KATNIP: variants seen among roughly 807,000 people sequenced by gnomAD.
KATNIP encodes katanin-interacting protein.
Under a neutral mutation model 174.0 loss-of-function variants are expected in KATNIP, and 126 were observed. The observed-to-expected ratio is 0.72, with a 90% CI of 0.63 to 0.84. The LOEUF (loss-of-function observed/expected upper bound fraction) is 0.84. KATNIP is among the 40% of genes least tolerant of loss of function. KATNIP has a pLI of 0.00. For missense variants in KATNIP, 1,958 were observed against 2,109.7 expected, an observed-to-expected ratio of 0.93 and a Z score of 1.41; for synonymous variants, 810 against 835.7, an observed-to-expected ratio of 0.97 and a Z score of 0.53.
chr16:27,770,497 C>G (rs1267717118), intron 21 of KATNIP, among the ~76,000 whole-genome samples: 1 of 152,230 alleles, frequency 6.6e-6, no homozygotes, highest in African/African-American at 2.4e-5. Flanking sequence ...ATTGAAACCC[C>G]CTGATGTCCA....
Position 27,550,700 on chromosome 16 carries a change from G to T in KATNIP, c.7+523G>T, listed in dbSNP as rs995271280. ...TGTAAGTACTCTTGGGCAACACCTC[G>T]CTAAGCTTCATACCAGCCTTTTGAG... On this transcript the variant is annotated intron_variant, in intron 1 of 27. Coordinates refer to ENST00000261588, the MANE Select transcript of KATNIP (RefSeq NM_015202.5). 9.9e-5 allele frequency among the ~76,000 whole-genome samples: 15 copies of T among 152,262 alleles called. No homozygotes were observed. In the South Asian group the frequency reaches 3.1e-3, roughly 32 times the overall value.
chr16:27,561,345 ACATATGGTTTCCC>A (rs2089875825), intron 1 of KATNIP, among the ~76,000 whole-genome samples: 1 of 152,072 alleles, frequency 6.6e-6, no homozygotes. Flanking sequence ...TCTAGTGGAC[ACATATGGTTTCCC>A]CAGACAACCC....
Position 27,778,648 on chromosome 16 carries a change from C to G in KATNIP, c.*19C>G. 3 of 1,611,950 alleles carry G rather than the reference C, an allele frequency of 1.9e-6. No homozygotes were observed. Among genetic ancestry groups the G allele is most frequent in the Non-Finnish European group, 2.5e-6 (3 of 1,178,610 alleles). On this transcript the variant is annotated 3_prime_UTR_variant, in exon 28 of 28. Coordinates refer to ENST00000261588, the MANE Select transcript of KATNIP (RefSeq NM_015202.5). ...CTGCTGACTGGTGAAGGAGGGAGAG[C>G]TGGTCCTCCCACTATGGTGGGCTCC...
intron 23 of KATNIP, 25 bp downstream of exon 23, chr16:27,773,234 G>T (rs376271525): frequency 6.7e-6 from 10 of 1,496,156 alleles, no homozygotes; most frequent in Non-Finnish European, 9.2e-6. Flanking sequence ...ACAGGAGTGG[G>T]CTCCACCCAG....
At chr16:27,633,748 G>A (rs1474662299) in intron 5 of KATNIP, among the ~76,000 whole-genome samples, 1 of 152,176 alleles carries the variant, frequency 6.6e-6, no homozygotes, top group Non-Finnish European at 1.5e-5. Context: ...TCCTCATTGT[G>A]CTACTGAAGA....
chr16:27,778,514 G>A, intron 27 of KATNIP, 60 bp from the exon 28 acceptor site: 4 of 1,546,924 alleles, frequency 2.6e-6, no homozygotes, highest in Non-Finnish European at 3.6e-6. Flanking sequence ...GGGAGTGTGG[G>A]GCACCCCTCC....
chr16:27,695,436 C>T (rs2142951375), intron 8 of KATNIP, among the ~76,000 whole-genome samples: 1 of 152,344 alleles, frequency 6.6e-6, no homozygotes, highest in East Asian at 1.9e-4. Context: ...TCACACGCCT[C>T]CCATCTTTGC....
At chr16:27,775,997 G>A (rs1042888883) in intron 24 of KATNIP, among the ~76,000 whole-genome samples, 2 of 152,172 alleles carry the variant, frequency 1.3e-5, no homozygotes, top group South Asian at 2.1e-4. Context: ...ACCCACTGAC[G>A]GCCAGCGGGT....
intron 1 of KATNIP, among the ~76,000 whole-genome samples, chr16:27,552,592 C>G (rs1012027196): frequency 6.6e-6 from 1 of 150,996 alleles, no homozygotes; most frequent in Admixed American, 6.6e-5. Context: ...GCCAGCTGGT[C>G]GCAAACTCCT....
chr16:27,647,067 G>A (rs2076978712), intron 5 of KATNIP, among the ~76,000 whole-genome samples: 1 of 152,026 alleles, frequency 6.6e-6, no homozygotes, highest in Admixed American at 6.6e-5. Flanking sequence ...TTAGCTGCAG[G>A]GGAACCTGGG....
chr16:27,623,489 T>C (rs1377898874), intron 3 of KATNIP, among the ~76,000 whole-genome samples: 2 of 152,122 alleles, frequency 1.3e-5, no homozygotes, highest in Admixed American at 6.6e-5. Flanking sequence ...GATGGGGGTC[T>C]CACTCTGTTG....
intron 2 of KATNIP, 122 bp downstream of exon 2, chr16:27,574,078 C>T: frequency 1.2e-6 from 1 of 811,366 alleles, no homozygotes; most frequent in Non-Finnish European, 2.0e-6. Context: ...AAGCTTGAAT[C>T]CTGGAGCAAA....
At chr16:27,764,285 G>A (rs531805378) in intron 19 of KATNIP, among the ~76,000 whole-genome samples, 5 of 152,236 alleles carry the variant, frequency 3.3e-5, no homozygotes, top group African/African-American at 9.6e-5. Flanking sequence ...CGTCTAAAAC[G>A]TGTGTTTCTT....
chr16:27,628,692 G>A lies in KATNIP; in HGVS notation c.172G>A (p.Val58Met), dbSNP rs772632544. The change falls in exon 4 of 28, where the codon GTG becomes ATG. Residue 58 changes from valine (V) to methionine (M), a missense_variant. Transcript: ENST00000261588. ...ILKHLKSKDP[V>M]QLRLEHLEQG... ...AAAGCATTTGAAAAGCAAGGACCCCGTGCAATTGAGGCTGGAGCACTTGGA... is the reference window on the plus strand; with the variant it reads ...AAAGCATTTGAAAAGCAAGGACCCCATGCAATTGAGGCTGGAGCACTTGGA... 2.1e-5 allele frequency: 34 copies of A among 1,614,072 alleles called. No homozygotes were observed. The East Asian group carries it at 3.6e-4, about 17-fold the overall frequency.
intron 14 of KATNIP, among the ~76,000 whole-genome samples, chr16:27,737,206 C>T (rs908506260): frequency 3.3e-5 from 5 of 151,934 alleles, no homozygotes; most frequent in Admixed American, 6.5e-5. Context: ...AGTGAGACCC[C>T]GTCTCTACAA....
chr16:27,599,475 T>TC (rs1452434911), intron 2 of KATNIP, among the ~76,000 whole-genome samples: 1 of 152,104 alleles, frequency 6.6e-6, no homozygotes, highest in African/African-American at 2.4e-5. Flanking sequence ...AGACCTGCTC[T>TC]CCCTCCAGCC....
At chr16:27,605,401 T>C (rs2075670480) in intron 2 of KATNIP, among the ~76,000 whole-genome samples, 1 of 152,250 alleles carries the variant, frequency 6.6e-6, no homozygotes, top group African/African-American at 2.4e-5. Context: ...AAAAACATTT[T>C]TATAAAAATA....
At chr16:27,719,689 T>C (rs2080128098) in intron 13 of KATNIP, among the ~76,000 whole-genome samples, 1 of 126,224 alleles carries the variant, frequency 7.9e-6, no homozygotes, top group African/African-American at 3.1e-5. Context: ...CCCTTATTTC[T>C]TTTTTTTTTT....
chr16:27,701,363 C>T (rs1031179467), intron 10 of KATNIP: 3 of 442,038 alleles, frequency 6.8e-6, no homozygotes, highest in African/African-American at 2.0e-5. Context: ...AGTCACTCAT[C>T]GAAGTGGATT....
Sources: gnomAD v4.1 joint callset for allele counts (sites outside exome capture counted in the v4.1 genomes callset) on GRCh38, gnomAD v4.1.1 for gene constraint, MANE v1.5 for transcripts, NCBI Gene and HGNC (gene_info 2026-07-23, HGNC 2026-07-21) for gene names.